Variants in SORL1 observed in about 807,000 individuals in gnomAD.
SORL1 encodes sortilin-related receptor.
In SORL1, 127 loss-of-function variants were observed where a neutral mutation model predicts 273.7. The observed-to-expected ratio is 0.46, with a 90% CI of 0.40 to 0.54. The LOEUF is 0.54. SORL1 is among the 20% of genes least tolerant of loss of function. The probability of loss-of-function intolerance (pLI) is 0.00; values close to 1 mark genes in which losing one functional copy is unlikely to be tolerated. For synonymous variants in SORL1, 1,031 were observed against 1,067.4 expected (o/e 0.97, Z 0.66); for missense variants, 2,494 against 2,846.1 (o/e 0.88, Z 2.81).
chr11:121,456,021 GA>G (rs1470542681), intron 1 of SORL1, among the ~76,000 whole-genome samples: 1 of 149,316 alleles, frequency 6.7e-6, no homozygotes, highest in Non-Finnish European at 1.5e-5. Context: ...GCAAAGTTTA[GA>G]AGTTGAGCCC....
intron 6 of SORL1, among the ~76,000 whole-genome samples, chr11:121,507,087 C>A (rs11518396): frequency 0.31 from 46,434 of 151,984 alleles, 7,880 homozygotes; most frequent in Middle Eastern, 0.42. Flanking sequence ...CATTATATAG[C>A]TTTATTGTGT....
chr11:121,526,556 G>A (rs1055911259), intron 11 of SORL1, among the ~76,000 whole-genome samples: 6 of 152,042 alleles, frequency 3.9e-5, no homozygotes, highest in Non-Finnish European at 8.8e-5. Context: ...GAGGAGAATC[G>A]ACATGTTAAT....
chr11:121,587,461 C>T (rs1052158942), intron 27 of SORL1, among the ~76,000 whole-genome samples: 1 of 152,204 alleles, frequency 6.6e-6, no homozygotes, highest in Non-Finnish European at 1.5e-5. Context: ...TCTCTCTTCT[C>T]AAAGGACACG....
intron 8 of SORL1, among the ~76,000 whole-genome samples, chr11:121,517,533 C>T (rs1386791050): frequency 6.6e-6 from 1 of 152,132 alleles, no homozygotes; most frequent in African/African-American, 2.4e-5. Flanking sequence ...CCATTGAAAG[C>T]CCCTGGCTGT....
At chr11:121,515,375 G>A (rs563438883) in intron 8 of SORL1, among the ~76,000 whole-genome samples, 10 of 152,326 alleles carry the variant, frequency 6.6e-5, no homozygotes, top group African/African-American at 2.4e-4. Flanking sequence ...GCTGCTTCAG[G>A]AGGGGGACAT....
intron 6 of SORL1, among the ~76,000 whole-genome samples, chr11:121,500,410 C>T (rs759425152): frequency 1.2e-4 from 18 of 152,232 alleles, no homozygotes; most frequent in Non-Finnish European, 2.4e-4. Flanking sequence ...CAGCCACCCA[C>T]GCCTTGCATG....
At chr11:121,498,073 CA>C (rs1381626557) in intron 6 of SORL1, among the ~76,000 whole-genome samples, 1 of 152,170 alleles carries the variant, frequency 6.6e-6, no homozygotes, top group Non-Finnish European at 1.5e-5. Flanking sequence ...GAGGCATTTC[CA>C]GTTACATACC....
intron 8 of SORL1, among the ~76,000 whole-genome samples, chr11:121,520,361 C>T (rs1166649104): frequency 6.6e-6 from 1 of 152,190 alleles, no homozygotes; most frequent in African/African-American, 2.4e-5. Flanking sequence ...CCACATATTG[C>T]AGATTCCATT....
chr11:121,608,044 C>CTGTATGG (rs1565352962), intron 37 of SORL1, 60 bp from the exon 38 acceptor site: 2 of 1,446,052 alleles, frequency 1.4e-6, no homozygotes, highest in South Asian at 2.3e-5. Context: ...AGTATTCTTA[C>CTGTATGG]TGTATGGTGT....
chr11:121,562,469 T>A (rs1252791880), intron 21 of SORL1, among the ~76,000 whole-genome samples: 1 of 152,226 alleles, frequency 6.6e-6, no homozygotes, highest in African/African-American at 2.4e-5. Context: ...TGCTTGCTGT[T>A]CTGAATAGTG....
rs1488339550 is a variant in SORL1, at chr11:121,589,398, G to A, written c.4078+8G>A. The A allele has an allele frequency of 6.2e-7, 1 of 1,612,450 alleles. No individual in the cohort carries two copies. The highest frequency in any genetic ancestry group is 2.2e-5 in the East Asian group (1 of 44,886). ...CTGATGAAGCCAACTGCGGTAAGAT[G>A]TCCAGTCTGCCTCCTCACATCCTAA... On this transcript the variant is annotated splice_region_variant and intron_variant, in intron 29 of 47. Coordinates refer to ENST00000260197, the MANE Select transcript of SORL1 (RefSeq NM_003105.6).
intron 40 of SORL1, among the ~76,000 whole-genome samples, chr11:121,613,399 G>A (rs186132618): frequency 3.2e-4 from 49 of 152,270 alleles, no homozygotes; most frequent in African/African-American, 1.2e-3. Flanking sequence ...TCTAAGTGGC[G>A]AAAGCTGCCT....
chr11:121,567,797 A>T (rs933513595), intron 22 of SORL1, among the ~76,000 whole-genome samples: 1 of 152,232 alleles, frequency 6.6e-6, no homozygotes, highest in Non-Finnish European at 1.5e-5. Context: ...CGTTTCTGTG[A>T]GTGAGGTGAA....
intron 1 of SORL1, among the ~76,000 whole-genome samples, chr11:121,461,658 C>A (rs1230762131): frequency 6.6e-6 from 1 of 152,188 alleles, no homozygotes; most frequent in Non-Finnish European, 1.5e-5. Context: ...GGGCTGGAGC[C>A]TTGGGACCTG....
chr11:121,592,758 A>G (rs937932603), intron 31 of SORL1, among the ~76,000 whole-genome samples: 1 of 152,208 alleles, frequency 6.6e-6, no homozygotes, highest in East Asian at 1.9e-4. Flanking sequence ...ATGAATTGTA[A>G]AAGAGAAAAC....
At chr11:121,615,184 C>A in intron 41 of SORL1, 129 bp downstream of exon 41, 1 of 695,850 alleles carries the variant, frequency 1.4e-6, no homozygotes, top group Non-Finnish European at 2.3e-6. Flanking sequence ...TGGATATAGG[C>A]CTTTCTTTTT....
intron 6 of SORL1, among the ~76,000 whole-genome samples, chr11:121,506,248 T>A (rs1203217465): frequency 6.6e-6 from 1 of 152,186 alleles, no homozygotes; most frequent in African/African-American, 2.4e-5. Flanking sequence ...TTTTGCCTAT[T>A]ATTATAGCTA....
rs138761977 is a variant in SORL1, at chr11:121,557,392, G to A, written c.2650G>A (p.Val884Met). The A allele has an allele frequency of 3.8e-5, 62 of 1,613,518 alleles. No individual in the cohort carries two copies. The highest frequency in any genetic ancestry group is 8.0e-5 in the African/African-American group (6 of 74,908). ...VLDRPRALVL[V>M]PQEGVMFWTD... ...TGATCGTCCCAGGGCTCTGGTCCTCGTGCCCCAAGAGGGGTAAGTGTTGCC... is the reference window on the plus strand; with the variant it reads ...TGATCGTCCCAGGGCTCTGGTCCTCATGCCCCAAGAGGGGTAAGTGTTGCC... Residue 884 changes from valine to methionine, a missense_variant, in exon 19 of 48, where the codon GTG becomes ATG. Val to Met is a conservative substitution (Grantham distance 21). This residue lies in a region of SORL1 where 1,609 missense variants were observed against 1,816.4 expected (regional missense o/e 0.89). Transcript: ENST00000260197.
chr11:121,455,810 T>A (rs1348115512), intron 1 of SORL1, among the ~76,000 whole-genome samples: 1 of 152,186 alleles, frequency 6.6e-6, no homozygotes. Flanking sequence ...CTGGTCCACA[T>A]GGGGAAACCC....
Sources: allele counts gnomAD v4.1 joint callset (sites outside exome capture counted in the v4.1 genomes callset), GRCh38; gene constraint gnomAD v4.1.1; regional missense constraint gnomAD v4.1.1; transcripts MANE v1.5; gene names NCBI Gene and HGNC (gene_info 2026-07-23, HGNC 2026-07-21).